The following PRKN variants were observed in gnomAD, a reference collection of about 807,000 sequenced individuals.
The protein encoded by PRKN is parkin RBR E3 ubiquitin protein ligase.
A neutral mutation model predicts 59.5 loss-of-function variants in PRKN; 56 were observed. The observed-to-expected ratio is 0.94, with a 90% CI of 0.76 to 1.18. The LOEUF (loss-of-function observed/expected upper bound fraction) is 1.18. Ranked by LOEUF, PRKN falls within the 50% of genes most tolerant of loss-of-function variation. The probability of loss-of-function intolerance (pLI) is 0.00; values close to 1 mark genes in which losing one functional copy is unlikely to be tolerated. For synonymous variants in PRKN, 250 were observed against 222.1 expected (o/e 1.13, Z -1.12); for missense variants, 657 against 596.4 (o/e 1.10, Z -1.06).
At chr6:162,200,249 T>C (rs1198490996) in intron 4 of PRKN, among the ~76,000 whole-genome samples, 1 of 152,048 alleles carries the variant, frequency 6.6e-6, no homozygotes, top group Non-Finnish European at 1.5e-5. Context: ...TGCCCTCTAT[T>C]GCAACCACAT....
chr6:161,891,443 C>T (rs994537760), intron 6 of PRKN, among the ~76,000 whole-genome samples: 2 of 152,124 alleles, frequency 1.3e-5, no homozygotes, highest in Non-Finnish European at 2.9e-5. Flanking sequence ...TCGTATTGTT[C>T]GGTGTGTGAC....
At chr6:162,270,747 C>T (rs1468425140) in intron 2 of PRKN, 1 of 152,164 alleles carries the variant, frequency 6.6e-6, no homozygotes, top group South Asian at 2.1e-4. Flanking sequence ...TGAAGACACA[C>T]TTTTAATAAC....
intron 7 of PRKN, among the ~76,000 whole-genome samples, chr6:161,613,973 C>T (rs1582891936): frequency 6.6e-6 from 1 of 152,180 alleles, no homozygotes; most frequent in East Asian, 1.9e-4. Context: ...CTTTCAAGCT[C>T]ATTCAAGTTG....
At chr6:162,157,003 TC>T (rs5881454) in intron 4 of PRKN, among the ~76,000 whole-genome samples, 142,587 of 152,010 alleles carry the variant, frequency 0.94, 67,379 homozygotes, top group Non-Finnish European at 1. Flanking sequence ...CATCAATCTT[TC>T]CATTTCTAGT....
intron 6 of PRKN, among the ~76,000 whole-genome samples, chr6:161,957,489 A>G (rs1407282347): frequency 6.7e-6 from 1 of 149,630 alleles, no homozygotes; most frequent in Non-Finnish European, 1.5e-5. Flanking sequence ...CAGTGGCACA[A>G]TGTTGGCTAA....
chr6:161,598,568 G>A (rs902699829), intron 7 of PRKN, among the ~76,000 whole-genome samples: 3 of 151,950 alleles, frequency 2.0e-5, no homozygotes, highest in South Asian at 2.1e-4. Flanking sequence ...ACATATACAC[G>A]CATATGATTT....
chr6:162,671,645 CCAGT>C (rs1359936372), intron 1 of PRKN, among the ~76,000 whole-genome samples: 6 of 152,114 alleles, frequency 3.9e-5, no homozygotes, highest in African/African-American at 9.6e-5. Context: ...GAAGAATTTA[CCAGT>C]CAATCATACC....
chr6:161,943,133 A>G (rs746369983), intron 6 of PRKN, among the ~76,000 whole-genome samples: 26 of 152,380 alleles, frequency 1.7e-4, no homozygotes, highest in Middle Eastern at 3.4e-3. Context: ...TAGGCTTATT[A>G]ACCTCAATAG....
chr6:162,709,709 T>C (rs143124217), intron 1 of PRKN, among the ~76,000 whole-genome samples: 250 of 152,266 alleles, frequency 1.6e-3, no homozygotes, highest in African/African-American at 5.6e-3. Flanking sequence ...GGCTAAAATG[T>C]ATGAGAAACG....
At chr6:162,334,907 G>C (rs1467966641) in intron 2 of PRKN, among the ~76,000 whole-genome samples, 3 of 152,186 alleles carry the variant, frequency 2.0e-5, no homozygotes, top group African/African-American at 7.2e-5. Flanking sequence ...CACTGCAGAT[G>C]TGGTAAAAAT....
At chr6:162,568,303 A>G (rs1010245121) in intron 1 of PRKN, 7 of 281,880 alleles carry the variant, frequency 2.5e-5, no homozygotes, top group Middle Eastern at 1.1e-3. Context: ...CTGCACAGTG[A>G]CCAAGAAGCA....
chr6:161,674,208 A>G (rs1463840808), intron 7 of PRKN, among the ~76,000 whole-genome samples: 1 of 152,136 alleles, frequency 6.6e-6, no homozygotes, highest in African/African-American at 2.4e-5. Context: ...AAGATCATAT[A>G]ATATCATGAA....
At chr6:161,963,259 A>T (rs1202801395) in intron 6 of PRKN, among the ~76,000 whole-genome samples, 2 of 152,218 alleles carry the variant, frequency 1.3e-5, no homozygotes, top group African/African-American at 2.4e-5. Context: ...CGGATACAAA[A>T]TTGGTCCAGG....
rs1025094697 is a variant in PRKN, at chr6:161,396,036, C to G, written c.1084-9159G>C. 2.6e-5 allele frequency among the ~76,000 whole-genome samples: 4 copies of G among 152,202 alleles called. No homozygotes were observed. The highest frequency in any genetic ancestry group is 9.7e-5 in the African/African-American group (4 of 41,448). Reference sequence around the variant, plus strand: ...GAGCCTCAGCTTTGCAGACTTGGCTCTCAGTGACGCTTGCCAGGTGACCTG... The same window carrying G: ...GAGCCTCAGCTTTGCAGACTTGGCTGTCAGTGACGCTTGCCAGGTGACCTG... On this transcript the variant is annotated intron_variant, in intron 9 of 11. Transcript: ENST00000366898. The surrounding 1 kb of genome is among the most constrained non-coding windows in gnomAD (Gnocchi z 5.4).
intron 6 of PRKN, among the ~76,000 whole-genome samples, chr6:161,923,417 A>T (rs1437459208): frequency 2.6e-5 from 4 of 152,194 alleles, no homozygotes; most frequent in Non-Finnish European, 5.9e-5. Flanking sequence ...CGGGAGGTGG[A>T]GGCTGCAGTG....
chr6:162,621,886 G>T (rs1418533341), intron 1 of PRKN, among the ~76,000 whole-genome samples: 2 of 152,058 alleles, frequency 1.3e-5, no homozygotes, highest in Non-Finnish European at 2.9e-5. Flanking sequence ...CACCATCTCG[G>T]CTTACTGCAG....
chr6:162,147,138 C>T (rs1208986299), intron 4 of PRKN, among the ~76,000 whole-genome samples: 1 of 150,624 alleles, frequency 6.6e-6, no homozygotes, highest in East Asian at 2.0e-4. Context: ...GCCAGGAGTT[C>T]AAGACAAGGC....
intron 1 of PRKN, among the ~76,000 whole-genome samples, chr6:162,494,209 T>A (rs1792951040): frequency 1.3e-5 from 2 of 152,154 alleles, no homozygotes; most frequent in Admixed American, 1.3e-4. Context: ...CACCCTTCAT[T>A]CTGCAGCTTA....
chr6:161,973,285 T>C lies in PRKN; in HGVS notation c.734+17A>G. ...TCACGTCCGTGGAGGGAAGTGACAC[T>C]ATTTTTAGATCCTTACCTGACGTCT... On this transcript the variant is annotated intron_variant, in intron 6 of 11. Coordinates refer to ENST00000366898, the MANE Select transcript of PRKN (RefSeq NM_004562.3). 1 of 1,530,336 alleles carries C rather than the reference T, an allele frequency of 6.5e-7. No homozygotes were observed. The highest frequency in any genetic ancestry group is 9.1e-7 in the Non-Finnish European group (1 of 1,103,466). The allele number at this position is 1,530,336 out of a possible 1,614,324, so 94.8% of individuals were successfully genotyped here.
Sources: allele counts gnomAD v4.1 joint callset (sites outside exome capture counted in the v4.1 genomes callset), GRCh38; gene constraint gnomAD v4.1.1; non-coding constraint Gnocchi (gnomAD v3.1); transcripts MANE v1.5; gene names NCBI Gene and HGNC (gene_info 2026-07-23, HGNC 2026-07-21).